The following TINAGL1 variants were observed in gnomAD, a reference collection of about 807,000 sequenced individuals.
TINAGL1 encodes tubulointerstitial nephritis antigen-like.
Under a neutral mutation model 62.0 loss-of-function variants are expected in TINAGL1, and 34 were observed. The observed-to-expected ratio is 0.55, with a 90% CI of 0.42 to 0.73. The LOEUF (loss-of-function observed/expected upper bound fraction) is 0.73. TINAGL1 is among the 30% of genes least tolerant of loss of function. The probability of loss-of-function intolerance (pLI) is 0.00; values close to 1 mark genes in which losing one functional copy is unlikely to be tolerated. For synonymous variants in TINAGL1, 221 were observed against 249.7 expected (o/e 0.88, Z 1.08); for missense variants, 516 against 653.2 (o/e 0.79, Z 2.29).
intron 3 of TINAGL1, chr1:31,580,563 C>A (rs1639217105): frequency 1.6e-6 from 2 of 1,289,308 alleles, no homozygotes; most frequent in South Asian, 2.5e-5. Context: ...GCCTTCCCGG[C>A]CCTGCAGACT....
intron 10 of TINAGL1, 35 bp from the exon 11 acceptor site, chr1:31,586,675 C>A: frequency 1.3e-6 from 2 of 1,555,230 alleles, no homozygotes; most frequent in Non-Finnish European, 1.7e-6. Flanking sequence ...GCAGGTAGAC[C>A]CAGCTCCCTT....
intron 3 of TINAGL1, chr1:31,580,764 T>A: frequency 8.2e-7 from 1 of 1,224,974 alleles, no homozygotes; most frequent in Non-Finnish European, 1.0e-6. Context: ...ATAGAATTCA[T>A]AGAATGCAGC....
chr1:31,578,746 T>C lies in TINAGL1; in HGVS notation c.311-458T>C, dbSNP rs1390378551. The stretch of plus-strand genomic sequence containing the variant: ...GTGTGTGTGTGTGTGTGTGATGTCT[T>C]CAGTTATAGTTTAATTTCAGTGAGA... On this transcript the variant is annotated intron_variant, in intron 2 of 11. Coordinates refer to ENST00000271064, the MANE Select transcript of TINAGL1 (RefSeq NM_022164.3). Among the ~76,000 whole-genome samples, 5 of 141,880 alleles carry C rather than the reference T, an allele frequency of 3.5e-5. No individual in the cohort carries two copies. The Admixed American group carries it at 3.5e-4, about 10-fold the overall frequency. 93.1% of individuals were successfully genotyped at this position (141,880 alleles called of 152,430 possible).
In TINAGL1 at chr1:31,585,361, G is replaced by A; in HGVS notation, c.1047+21G>A. 6.2e-7 allele frequency: 1 copy of A among 1,604,124 alleles called. No individual in the cohort carries two copies. ...CCAACGTAAGTCAGCACTTGGGTGA[G>A]GGCGCCGAGGCAGGAGGGTTGTGAA... On this transcript the variant is annotated intron_variant, in intron 8 of 11. Transcript: ENST00000271064. This position sits in a 1 kb window ranked among gnomAD's most constrained non-coding sequence, Gnocchi z 4.3.
At chr1:31,580,439 C>T (rs1443282529) in intron 3 of TINAGL1, 12 of 1,289,306 alleles carry the variant, frequency 9.3e-6, no homozygotes, top group South Asian at 1.2e-5. Flanking sequence ...GGGGGAGTGT[C>T]CAGGGTGTCA....
rs376940276 is a variant in TINAGL1, at chr1:31,586,986, G to C, written c.*7G>C. 6.8e-7 allele frequency: 1 copy of C among 1,475,652 alleles called. No homozygotes were observed. The highest frequency in any genetic ancestry group is 9.0e-7 in the Non-Finnish European group (1 of 1,116,560). 91.4% of individuals were successfully genotyped at this position (1,475,652 alleles called of 1,614,324 possible). On this transcript the variant is annotated 3_prime_UTR_variant, in exon 12 of 12. Coordinates refer to ENST00000271064, the MANE Select transcript of TINAGL1 (RefSeq NM_022164.3). Reference sequence around the variant, plus strand: ...GGACATGGGTCATCACTGAGGCTGCGGGCACCACGCGGGGTCCGGCCTGGG... The same window carrying C: ...GGACATGGGTCATCACTGAGGCTGCCGGCACCACGCGGGGTCCGGCCTGGG...
At position 31,587,079 on chromosome 1, in the gene TINAGL1, CG is replaced by C. The variant is rs1639417103; in HGVS notation, c.*104del. The C allele has an allele frequency of 1.5e-6, 2 of 1,333,674 alleles. No individual in the cohort carries two copies. The highest frequency in any genetic ancestry group is 1.9e-6 in the Non-Finnish European group (2 of 1,048,600). The allele number at this position is 1,333,674 out of a possible 1,614,324, so 82.6% of individuals were successfully genotyped here. On this transcript the variant is annotated 3_prime_UTR_variant, in exon 12 of 12. Coordinates refer to ENST00000271064, the MANE Select transcript of TINAGL1 (RefSeq NM_022164.3). ...GACCCCAGCCTCGCCCGACAGAGCCCGGGGCGCAGGCGGGCGCCAGGGCGCT... is the reference window on the plus strand; with the variant it reads ...GACCCCAGCCTCGCCCGACAGAGCCCGGGCGCAGGCGGGCGCCAGGGCGCT...
intron 10 of TINAGL1, chr1:31,586,484 C>T (rs892479794): frequency 4.9e-6 from 3 of 611,206 alleles, no homozygotes; most frequent in Non-Finnish European, 8.7e-6. Context: ...CTTGCCTCCA[C>T]TTGTCCCCTT....
At chr1:31,580,682 G>A (rs935745336) in intron 3 of TINAGL1, 39 of 1,287,548 alleles carry the variant, frequency 3.0e-5, no homozygotes, top group Non-Finnish European at 3.9e-5. Flanking sequence ...TTGGAGGTGG[G>A]AGCCTTGGAC....
At position 31,583,657 on chromosome 1, in the gene TINAGL1, C is replaced by A; in HGVS notation, c.582+82C>A. ...ATGCTGGCCCTGTGCCCTGCTCCTC[C>A]AAGGGCCTGGACCATCCCCTACTAC... is the stretch of plus-strand genomic sequence containing the variant. On this transcript the variant is annotated intron_variant, in intron 5 of 11. Transcript: ENST00000271064. This position sits in a 1 kb window ranked among gnomAD's most constrained non-coding sequence, Gnocchi z 4.4. 7.9e-7 allele frequency: 1 copy of A among 1,259,464 alleles called. No individual in the cohort carries two copies. The highest frequency in any genetic ancestry group is 1.1e-6 in the Non-Finnish European group (1 of 893,892). 78.0% of individuals were successfully genotyped at this position (1,259,464 alleles called of 1,614,324 possible).
intron 3 of TINAGL1, chr1:31,580,191 C>G (rs868211549): frequency 4.3e-4 from 178 of 418,140 alleles, no homozygotes; most frequent in South Asian, 1.8e-3. Flanking sequence ...CTCTCTCTCT[C>G]TCTCTCTCTC....
At chr1:31,580,785 G>A in intron 3 of TINAGL1, 3 of 1,205,482 alleles carry the variant, frequency 2.5e-6, no homozygotes, top group Non-Finnish European at 3.2e-6. Flanking sequence ...CCTTCAGTCG[G>A]CACCTATTAT....
At chr1:31,579,621 G>A in intron 3 of TINAGL1, 1 of 222,620 alleles carries the variant, frequency 4.5e-6, no homozygotes, top group Non-Finnish European at 8.9e-6. Flanking sequence ...AGCTCTGACT[G>A]CAGCATCCGC....
chr1:31,586,425 C>G, intron 10 of TINAGL1: 1 of 565,348 alleles, frequency 1.8e-6, no homozygotes, highest in South Asian at 2.1e-5. Flanking sequence ...GAACTGGCCC[C>G]TAGGAGGTGG....
chr1:31,581,090 C>T (rs1395588355), intron 3 of TINAGL1, among the ~76,000 whole-genome samples: 2 of 152,038 alleles, frequency 1.3e-5, no homozygotes, highest in African/African-American at 4.8e-5. Context: ...GTGGGAAGGC[C>T]GGGAGGTGAC....
chr1:31,585,664 C>A lies in TINAGL1; in HGVS notation c.1094-89C>A. ...CACTTAGAGCTTTGGTATGGAGGGA[C>A]CCTGGTGCCTGGGCACATCTCAATA... On this transcript the variant is annotated intron_variant, in intron 9 of 11. Coordinates refer to ENST00000271064, the MANE Select transcript of TINAGL1 (RefSeq NM_022164.3). This position sits in a 1 kb window ranked among gnomAD's most constrained non-coding sequence, Gnocchi z 4.3. The A allele has an allele frequency of 6.5e-7, 1 of 1,550,014 alleles. No individual in the cohort carries two copies. Among genetic ancestry groups the A allele is most frequent in the Non-Finnish European group, 8.7e-7 (1 of 1,146,626 alleles).
At chr1:31,578,736 T>C (rs1428483282) in intron 2 of TINAGL1, among the ~76,000 whole-genome samples, 3 of 146,976 alleles carry the variant, frequency 2.0e-5, no homozygotes, top group African/African-American at 7.6e-5. Flanking sequence ...TGTGTGTGTG[T>C]GTGATGTCTT....
chr1:31,578,378 ATGTG>A lies in TINAGL1; in HGVS notation c.311-809_311-806del, dbSNP rs1344295069. ...GGCTTCAATTTCAGTGAGAGCTGGT[ATGTG>A]TGTGTGTGTGTGTGTGATGCCTTCA... On this transcript the variant is annotated intron_variant, in intron 2 of 11. Transcript: ENST00000271064. 9.9e-4 allele frequency among the ~76,000 whole-genome samples: 57 copies of A among 57,448 alleles called. 1 individual carries two copies. In the Admixed American group the frequency reaches 0.011, roughly 11 times the overall value. The allele number at this position is 57,448 out of a possible 152,430, so 37.7% of individuals were successfully genotyped here. A position where few individuals can be genotyped will look rare whatever the true frequency, so the allele number is the denominator to read the frequency against.
Position 31,587,549 on chromosome 1 carries a change from C to T in TINAGL1, c.*570C>T, listed in dbSNP as rs2148598205. 1 of 152,510 alleles carries T rather than the reference C, an allele frequency of 6.6e-6. No individual in the cohort carries two copies. Among genetic ancestry groups the T allele is most frequent in the Admixed American group, 6.5e-5 (1 of 15,302 alleles). 9.4% of individuals were successfully genotyped at this position (152,510 alleles called of 1,614,324 possible). ...CCCAGGCTGGTCTCGAACTCCTGGGCTCAAGCGGTCCACCTGCCTCCGCCT... is the reference window on the plus strand; with the variant it reads ...CCCAGGCTGGTCTCGAACTCCTGGGTTCAAGCGGTCCACCTGCCTCCGCCT... On this transcript the variant is annotated 3_prime_UTR_variant, in exon 12 of 12. Transcript: ENST00000271064.
Sources: gnomAD v4.1 joint callset for allele counts (sites outside exome capture counted in the v4.1 genomes callset) on GRCh38, gnomAD v4.1.1 for gene constraint, Gnocchi (gnomAD v3.1) non-coding constraint, MANE v1.5 for transcripts, NCBI Gene and HGNC (gene_info 2026-07-23, HGNC 2026-07-21) for gene names.